Variants in HPSE2 observed in about 807,000 individuals in gnomAD.
HPSE2 encodes heparanase 2 (inactive).
Under a neutral mutation model 60.5 loss-of-function variants are expected in HPSE2, and 38 were observed. That is an observed-to-expected ratio of 0.63 (90% confidence interval 0.48 to 0.82). HPSE2 has a LOEUF of 0.82. Among genes scored for constraint, HPSE2 ranks in the 40% least tolerant of loss-of-function variants. The pLI is 0.00. For missense variants in HPSE2, 713 were observed against 740.4 expected (o/e 0.96, Z 0.43); for synonymous variants, 295 against 293.2 (o/e 1.01, Z -0.06).
intron 7 of HPSE2, among the ~76,000 whole-genome samples, chr10:98,634,156 GCAAAGA>G (rs1356814407): frequency 6.6e-6 from 1 of 152,176 alleles, no homozygotes; most frequent in East Asian, 1.9e-4. Context: ...AGTGTGAACA[GCAAAGA>G]CAGCACATAT....
chr10:98,503,362 C>T (rs558551883), intron 9 of HPSE2, among the ~76,000 whole-genome samples: 2 of 152,094 alleles, frequency 1.3e-5, no homozygotes, highest in East Asian at 3.9e-4. Flanking sequence ...AATCAAAAAA[C>T]AGTAGTTGTT....
chr10:99,233,463 C>A (rs1589852390), intron 1 of HPSE2, among the ~76,000 whole-genome samples: 1 of 152,264 alleles, frequency 6.6e-6, no homozygotes, highest in East Asian at 1.9e-4. Flanking sequence ...GTCAGGATTT[C>A]CATCAATAGG....
intron 1 of HPSE2, among the ~76,000 whole-genome samples, 174 bp downstream of exon 1, chr10:99,235,339 A>G (rs1849803959): frequency 6.6e-6 from 1 of 152,194 alleles, no homozygotes; most frequent in African/African-American, 2.4e-5. Flanking sequence ...GCTTTTCTCA[A>G]TCACTAGTTA....
At chr10:98,898,614 G>A (rs933517991) in intron 3 of HPSE2, among the ~76,000 whole-genome samples, 2 of 152,026 alleles carry the variant, frequency 1.3e-5, no homozygotes, top group East Asian at 1.9e-4. Flanking sequence ...TTTTTTTAGG[G>A]TGATGAAACT....
the HPSE2 span, among the ~76,000 whole-genome samples, chr10:99,269,588 T>C: frequency 2.6e-5 from 4 of 152,158 alleles, no homozygotes; most frequent in Non-Finnish European, 5.9e-5. Context: ...ATTTAAACTA[T>C]ACCCTCGAGC....
chr10:98,820,349 C>T (rs1735794468), intron 3 of HPSE2, among the ~76,000 whole-genome samples: 1 of 152,138 alleles, frequency 6.6e-6, no homozygotes, highest in African/African-American at 2.4e-5. Flanking sequence ...CCATGTCAAA[C>T]ATTTGGGATA....
chr10:98,782,912 ATT>A lies in HPSE2; in HGVS notation c.611-38858_611-38857del, dbSNP rs1039514719. On this transcript the variant is annotated intron_variant, in intron 3 of 11. Transcript: ENST00000370552. Reference sequence around the variant, plus strand: ...AGTGGGTCTACTTCCCTGTTTGTTTATTTTTTTTTTTTTATTTTTTTTTTTAA... The same window carrying A: ...AGTGGGTCTACTTCCCTGTTTGTTTATTTTTTTTTTTATTTTTTTTTTTAA... 2.9e-4 allele frequency among the ~76,000 whole-genome samples: 12 copies of A among 41,096 alleles called. 1 individual carries two copies. Among genetic ancestry groups the A allele is most frequent in the African/African-American group, 9.3e-4 (12 of 12,902 alleles). 27.0% of individuals were successfully genotyped at this position (41,096 alleles called of 152,430 possible).
At chr10:98,675,777 G>A (rs1947625723) in intron 6 of HPSE2, among the ~76,000 whole-genome samples, 1 of 152,090 alleles carries the variant, frequency 6.6e-6, no homozygotes, top group African/African-American at 2.4e-5. Context: ...GGGTTGTCCT[G>A]TAATTCTAGA....
intron 9 of HPSE2, among the ~76,000 whole-genome samples, chr10:98,591,056 T>C (rs1415540992): frequency 1.3e-5 from 2 of 152,162 alleles, no homozygotes; most frequent in Non-Finnish European, 2.9e-5. Flanking sequence ...TATAGTAATC[T>C]TCCCTGTACA....
chr10:99,257,743 C>T, the HPSE2 span, among the ~76,000 whole-genome samples: 4 of 152,140 alleles, frequency 2.6e-5, no homozygotes, highest in Admixed American at 6.6e-5. Context: ...GTGACCCACA[C>T]CCTATTCATA....
At chr10:99,271,438 A>C in the HPSE2 span, among the ~76,000 whole-genome samples, 2 of 152,220 alleles carry the variant, frequency 1.3e-5, no homozygotes, top group Non-Finnish European at 2.9e-5. Flanking sequence ...TACCTAACCA[A>C]GGAAATGAAA....
At chr10:98,558,758 G>A (rs974773763) in intron 9 of HPSE2, among the ~76,000 whole-genome samples, 6 of 152,164 alleles carry the variant, frequency 3.9e-5, no homozygotes, top group African/African-American at 9.7e-5. Flanking sequence ...CATGTGTCAT[G>A]TTTCAACAAA....
At chr10:98,698,179 G>C (rs1948285978) in intron 5 of HPSE2, among the ~76,000 whole-genome samples, 2 of 143,544 alleles carry the variant, frequency 1.4e-5, no homozygotes, top group African/African-American at 2.6e-5. Context: ...CAAATCAACA[G>C]AATATACATT....
upstream of HPSE2, among the ~76,000 whole-genome samples, chr10:99,237,348 G>C (rs1849885498): frequency 6.6e-6 from 1 of 152,136 alleles, no homozygotes. Context: ...AGAAGTGGAT[G>C]GACAAGGGTT....
At chr10:98,797,483 A>G (rs985849998) in intron 3 of HPSE2, among the ~76,000 whole-genome samples, 3 of 152,196 alleles carry the variant, frequency 2.0e-5, no homozygotes, top group African/African-American at 7.2e-5. Context: ...GCATGCCTAC[A>G]GGATCTACGA....
intron 6 of HPSE2, 111 bp from the exon 7 acceptor site, chr10:98,642,051 C>A: frequency 1.1e-6 from 1 of 879,560 alleles, no homozygotes; most frequent in Non-Finnish European, 1.9e-6. Flanking sequence ...GGGTTCCACT[C>A]GGGCTCTCAT....
At chr10:99,196,579 G>A (rs1848405681) in intron 2 of HPSE2, among the ~76,000 whole-genome samples, 1 of 152,060 alleles carries the variant, frequency 6.6e-6, no homozygotes, top group Admixed American at 6.6e-5. Flanking sequence ...CTCAAAATAA[G>A]ACATACAAAT....
At chr10:99,313,111 CTG>C in the HPSE2 span, among the ~76,000 whole-genome samples, 1 of 152,200 alleles carries the variant, frequency 6.6e-6, no homozygotes, top group Non-Finnish European at 1.5e-5. Flanking sequence ...GCCTGCAAAA[CTG>C]TGCAGGCTTT....
chr10:98,580,420 C>T (rs1944762630), intron 9 of HPSE2, among the ~76,000 whole-genome samples: 1 of 152,062 alleles, frequency 6.6e-6, no homozygotes, highest in Non-Finnish European at 1.5e-5. Flanking sequence ...CATTTTATAA[C>T]TTTTCTTTCA....
Sources: allele counts gnomAD v4.1 joint callset (sites outside exome capture counted in the v4.1 genomes callset), GRCh38; gene constraint gnomAD v4.1.1; transcripts MANE v1.5; gene names NCBI Gene and HGNC (gene_info 2026-07-23, HGNC 2026-07-21).